Variants in YAF2 observed in about 807,000 individuals in gnomAD.
The protein encoded by YAF2 is YY1 associated factor 2.
YAF2 carries 7 observed loss-of-function variants against 20.1 expected under a neutral mutation model. The observed-to-expected ratio is 0.35, with a 90% CI of 0.20 to 0.65. The LOEUF (loss-of-function observed/expected upper bound fraction) is 0.65, where lower values mean the gene tolerates loss of function less well. Ranked by LOEUF, YAF2 falls within the 30% of genes least tolerant of loss-of-function variation. The probability of loss-of-function intolerance (pLI) is 0.69; values close to 1 mark genes in which losing one functional copy is unlikely to be tolerated. For missense variants in YAF2, 151 were observed against 219.2 expected (o/e 0.69, Z 1.96); for synonymous variants, 74 against 76.0 (o/e 0.97, Z 0.14).
chr12:42,229,630 G>A (rs1002229883), intron 2 of YAF2, among the ~76,000 whole-genome samples: 2 of 152,032 alleles, frequency 1.3e-5, no homozygotes. Context: ...AAAATGCATC[G>A]TTAGGTGATT....
intron 2 of YAF2, among the ~76,000 whole-genome samples, chr12:42,178,061 T>G (rs1304679212): frequency 6.6e-6 from 1 of 152,230 alleles, no homozygotes; most frequent in Non-Finnish European, 1.5e-5. Context: ...TTTTGTTCAC[T>G]GCTGTTTCTC....
At chr12:42,170,612 C>T (rs1231033120) in intron 2 of YAF2, among the ~76,000 whole-genome samples, 2 of 152,132 alleles carry the variant, frequency 1.3e-5, no homozygotes, top group Non-Finnish European at 2.9e-5. Flanking sequence ...GAGTTCGAGA[C>T]CTGCCTGGGC....
At chr12:42,165,785 T>G (rs1049788159) in intron 2 of YAF2, among the ~76,000 whole-genome samples, 87 of 149,696 alleles carry the variant, frequency 5.8e-4, no homozygotes, top group Non-Finnish European at 1.1e-3. Flanking sequence ...TTTTTTTTTT[T>G]TTTTTTTTTT....
chr12:42,186,120 G>A (rs1203500437), intron 2 of YAF2, among the ~76,000 whole-genome samples: 1 of 148,230 alleles, frequency 6.7e-6, no homozygotes, highest in Non-Finnish European at 1.5e-5. Context: ...GAACCCAGGA[G>A]GCAGAGGTTG....
chr12:42,212,517 T>C lies in YAF2; in HGVS notation c.152+25082A>G, dbSNP rs1369443266. ...AACAAAGAAAGTGTATAGTTTTTCC[T>C]TTAAGAATAGTCTAGTAACTAACTC... On this transcript the variant is annotated intron_variant, in intron 2 of 3. Transcript: ENST00000534854. 14 of 420,432 alleles carry C rather than the reference T, an allele frequency of 3.3e-5. No homozygotes were observed. The Admixed American group carries it at 4.1e-4, about 12-fold the overall frequency. 26.0% of individuals were successfully genotyped at this position (420,432 alleles called of 1,614,324 possible).
chr12:42,165,232 CAGG>C (rs1013441251), intron 2 of YAF2, among the ~76,000 whole-genome samples: 6 of 151,912 alleles, frequency 3.9e-5, no homozygotes, highest in African/African-American at 1.5e-4. Context: ...ATAGAGAAAA[CAGG>C]AGGAGGAGTT....
intron 2 of YAF2, among the ~76,000 whole-genome samples, chr12:42,214,162 G>A (rs2067287703): frequency 6.6e-6 from 1 of 152,174 alleles, no homozygotes; most frequent in Admixed American, 6.5e-5. Flanking sequence ...ACCTTCATCT[G>A]ATGCCACTCA....
intron 2 of YAF2, among the ~76,000 whole-genome samples, chr12:42,179,525 T>C (rs1037710821): frequency 6.6e-6 from 1 of 152,062 alleles, no homozygotes; most frequent in African/African-American, 2.4e-5. Context: ...ACATCAAATC[T>C]GAAGGTCTAA....
chr12:42,205,030 G>A (rs1197369203), intron 2 of YAF2, among the ~76,000 whole-genome samples: 1 of 150,466 alleles, frequency 6.6e-6, no homozygotes, highest in Non-Finnish European at 1.5e-5. Flanking sequence ...AATATGGTAT[G>A]TGAATATCTC....
intron 2 of YAF2, among the ~76,000 whole-genome samples, chr12:42,209,960 G>A (rs7960851): frequency 0.029 from 4,455 of 152,130 alleles, 244 homozygotes; most frequent in African/African-American, 0.1. Flanking sequence ...CACCATGCCC[G>A]GCTAATTTTC....
At chr12:42,178,355 T>G (rs531304389) in intron 2 of YAF2, among the ~76,000 whole-genome samples, 2 of 152,278 alleles carry the variant, frequency 1.3e-5, no homozygotes, top group Admixed American at 1.3e-4. Flanking sequence ...TCAAATCTCC[T>G]GGGCTGCTCC....
At chr12:42,232,476 A>T in intron 2 of YAF2, 1 of 985,434 alleles carries the variant, frequency 1.0e-6, no homozygotes. Flanking sequence ...TATACAATTA[A>T]CCAGTGTGAG....
At chr12:42,175,504 T>C (rs2066158179) in intron 2 of YAF2, among the ~76,000 whole-genome samples, 1 of 148,904 alleles carries the variant, frequency 6.7e-6, no homozygotes, top group East Asian at 2.0e-4. Flanking sequence ...GCATGTTTTA[T>C]GTGTGGTTTA....
At chr12:42,179,671 C>T (rs1411137284) in intron 2 of YAF2, among the ~76,000 whole-genome samples, 3 of 151,416 alleles carry the variant, frequency 2.0e-5, no homozygotes, top group African/African-American at 7.3e-5. Flanking sequence ...TGCCACCCAG[C>T]TACTTGGGAG....
At chr12:42,228,698 C>T (rs71453345) in intron 2 of YAF2, among the ~76,000 whole-genome samples, 2 of 97,278 alleles carry the variant, frequency 2.1e-5, no homozygotes, top group Non-Finnish European at 4.1e-5. Context: ...CCGCCCCGTC[C>T]GGGAGGTGAG....
At chr12:42,179,963 T>C (rs2066301128) in intron 2 of YAF2, among the ~76,000 whole-genome samples, 1 of 152,206 alleles carries the variant, frequency 6.6e-6, no homozygotes. Context: ...GTATTAATTT[T>C]TTCTTTTACA....
At chr12:42,232,956 A>G (rs1232005319) in intron 2 of YAF2, 2 of 985,442 alleles carry the variant, frequency 2.0e-6, no homozygotes, top group Non-Finnish European at 2.4e-6. Context: ...AACCTCACAT[A>G]TAGAGCTTGG....
At chr12:42,217,740 G>A (rs751864871) in intron 2 of YAF2, among the ~76,000 whole-genome samples, 4 of 152,106 alleles carry the variant, frequency 2.6e-5, no homozygotes, top group Non-Finnish European at 4.4e-5. Context: ...CAGCCCTCAG[G>A]AAGGAAACAA....
At chr12:42,193,988 T>A (rs553987411) in intron 2 of YAF2, among the ~76,000 whole-genome samples, 10 of 152,226 alleles carry the variant, frequency 6.6e-5, no homozygotes, top group South Asian at 6.2e-4. Context: ...AGTAAAAAAA[T>A]TTTTGAATGG....
Sources: allele counts gnomAD v4.1 joint callset (sites outside exome capture counted in the v4.1 genomes callset), GRCh38; gene constraint gnomAD v4.1.1; transcripts MANE v1.5; gene names NCBI Gene and HGNC (gene_info 2026-07-23, HGNC 2026-07-21).